The following NIPAL2 variants were observed in gnomAD, a reference collection of about 807,000 sequenced individuals.
NIPAL2 encodes NIPA-like protein 2.
A neutral mutation model predicts 48.9 loss-of-function variants in NIPAL2; 43 were observed. The observed-to-expected ratio is 0.88, with a 90% confidence interval of 0.69 to 1.13. The LOEUF (loss-of-function observed/expected upper bound fraction) is 1.13, where lower values mean the gene tolerates loss of function less well. Among genes scored for constraint, NIPAL2 ranks in the 50% most tolerant of loss-of-function variants. The pLI is 0.00. For synonymous variants in NIPAL2, 167 were observed against 174.6 expected (o/e 0.96, Z 0.34); for missense variants, 446 against 461.4 (o/e 0.97, Z 0.31).
chr8:98,239,837 A>G (rs939917488), intron 3 of NIPAL2, among the ~76,000 whole-genome samples: 1 of 152,242 alleles, frequency 6.6e-6, no homozygotes, highest in African/African-American at 2.4e-5. Flanking sequence ...TTGAGCAAAA[A>G]GGCAGTATTG....
chr8:98,209,985 T>TTA, intron 6 of NIPAL2, among the ~76,000 whole-genome samples: 1 of 152,202 alleles, frequency 6.6e-6, no homozygotes, highest in African/African-American at 2.4e-5. Flanking sequence ...TCATTCAAAT[T>TTA]TATATATATG....
At chr8:98,291,100 C>A (rs989503549) in intron 1 of NIPAL2, among the ~76,000 whole-genome samples, 1 of 152,020 alleles carries the variant, frequency 6.6e-6, no homozygotes, top group African/African-American at 2.4e-5. Flanking sequence ...TTCCTGCACT[C>A]CTGCTCAAAA....
At position 98,235,538 on chromosome 8, in the gene NIPAL2, G is replaced by A. The variant is rs139473945; in HGVS notation, c.436+617C>T. Among the ~76,000 whole-genome samples, 458 of 152,106 alleles carry A rather than the reference G, an allele frequency of 3.0e-3. 3 individuals carry two copies. The highest frequency in any genetic ancestry group is 9.8e-3 in the South Asian group (47 of 4,820). Reference sequence around the variant, plus strand: ...GTTTTCATTTTTATGCAATACTTTCGTGTAACAATATAACAAATATATCCT... The same window carrying A: ...GTTTTCATTTTTATGCAATACTTTCATGTAACAATATAACAAATATATCCT... On this transcript the variant is annotated intron_variant, in intron 4 of 10. Transcript: ENST00000430223.
At chr8:98,237,116 A>G (rs1003548177) in intron 3 of NIPAL2, among the ~76,000 whole-genome samples, 59 of 152,024 alleles carry the variant, frequency 3.9e-4, no homozygotes, top group African/African-American at 1.4e-3. Flanking sequence ...GCTGGAGTGC[A>G]GTGGCAAGAT....
rs181778283 is a variant in NIPAL2, at chr8:98,260,550, C to T, written c.136-6463G>A. On this transcript the variant is annotated intron_variant, in intron 1 of 10. Transcript: ENST00000430223. ...CCTGGAAAATCGGGTCACTCCAACC[C>T]GAATACTGCGCTTTTCCGACGGGCT... Among the ~76,000 whole-genome samples the T allele has an allele frequency of 1.4e-4, 21 of 152,298 alleles. No homozygotes were observed. The East Asian group carries it at 2.9e-3, about 21-fold the overall frequency.
intron 3 of NIPAL2, among the ~76,000 whole-genome samples, chr8:98,237,623 T>C (rs554882836): frequency 6.6e-6 from 1 of 152,342 alleles, no homozygotes; most frequent in South Asian, 2.1e-4. Context: ...ATGATTTTGC[T>C]TCTGATGCTT....
At chr8:98,213,801 CATT>C (rs1811437800) in intron 5 of NIPAL2, among the ~76,000 whole-genome samples, 1 of 152,144 alleles carries the variant, frequency 6.6e-6, no homozygotes. Context: ...CAGAGCCACT[CATT>C]ATCCTGTCAC....
intron 8 of NIPAL2, 26 bp downstream of exon 8, chr8:98,203,082 C>T: frequency 2.0e-6 from 3 of 1,514,404 alleles, no homozygotes; most frequent in Middle Eastern, 1.7e-4. Flanking sequence ...CTTGGAATCA[C>T]CAATGTATAG....
chr8:98,230,169 C>T (rs114442225), intron 4 of NIPAL2, among the ~76,000 whole-genome samples: 175 of 152,292 alleles, frequency 1.1e-3, no homozygotes, highest in African/African-American at 4.1e-3. Flanking sequence ...CAGCTCAGGG[C>T]TGTCACTTAC....
chr8:98,271,869 C>A (rs1195846839), intron 1 of NIPAL2, among the ~76,000 whole-genome samples: 3 of 151,206 alleles, frequency 2.0e-5, no homozygotes, highest in Admixed American at 1.3e-4. Context: ...TCCTTTGGTG[C>A]CTAGTTTGTT....
At chr8:98,272,915 T>C (rs1220870856) in intron 1 of NIPAL2, among the ~76,000 whole-genome samples, 2 of 152,172 alleles carry the variant, frequency 1.3e-5, no homozygotes, top group Non-Finnish European at 2.9e-5. Flanking sequence ...TAATGCTCAA[T>C]ATCATTGTGA....
In NIPAL2 at chr8:98,192,925, T is replaced by C; in HGVS notation, c.*53A>G. On this transcript the variant is annotated 3_prime_UTR_variant, in exon 11 of 11. Transcript: ENST00000430223. ...GCTGACACAAATTGAACATGTGCAA[T>C]TTTTTAAAAAGGTGGTATCGAATAA... 2 of 1,149,532 alleles carry C rather than the reference T, an allele frequency of 1.7e-6. No individual in the cohort carries two copies. Among genetic ancestry groups the C allele is most frequent in the South Asian group, 2.5e-5 (2 of 81,532 alleles). 71.2% of individuals were successfully genotyped at this position (1,149,532 alleles called of 1,614,324 possible). A position where few individuals can be genotyped will look rare whatever the true frequency, so the allele number is the denominator to read the frequency against.
At chr8:98,290,853 C>G (rs193044794) in intron 1 of NIPAL2, among the ~76,000 whole-genome samples, 563 of 152,142 alleles carry the variant, frequency 3.7e-3, no homozygotes, top group Non-Finnish European at 5.9e-3. Flanking sequence ...AGTGATCATG[C>G]GGGGGAAAAG....
chr8:98,277,630 T>A (rs1256373782), intron 1 of NIPAL2, among the ~76,000 whole-genome samples: 3 of 152,166 alleles, frequency 2.0e-5, no homozygotes, highest in African/African-American at 7.2e-5. Flanking sequence ...CCACAGTCCA[T>A]GGCAGCCATC....
intron 5 of NIPAL2, among the ~76,000 whole-genome samples, chr8:98,214,779 C>T (rs939575189): frequency 6.6e-6 from 1 of 152,158 alleles, no homozygotes; most frequent in African/African-American, 2.4e-5. Context: ...GAACTCATCC[C>T]TTTGTCTTTT....
chr8:98,235,986 G>A (rs1812689848), intron 4 of NIPAL2, among the ~76,000 whole-genome samples, 169 bp downstream of exon 4: 1 of 152,088 alleles, frequency 6.6e-6, no homozygotes, highest in Non-Finnish European at 1.5e-5. Flanking sequence ...AGTATTTTAT[G>A]CGAGAAGAGA....
intron 3 of NIPAL2, among the ~76,000 whole-genome samples, chr8:98,238,285 G>C (rs952633595): frequency 6.6e-6 from 1 of 152,110 alleles, no homozygotes; most frequent in African/African-American, 2.4e-5. Flanking sequence ...TAAAAGTACA[G>C]GAAAGAAAAG....
intron 3 of NIPAL2, among the ~76,000 whole-genome samples, chr8:98,239,805 A>G (rs1365964322): frequency 2.0e-5 from 3 of 152,226 alleles, no homozygotes; most frequent in Non-Finnish European, 4.4e-5. Flanking sequence ...TATCTTGCAA[A>G]TATGCTAAAA....
At chr8:98,193,289 G>T in intron 10 of NIPAL2, 199 bp from the exon 11 acceptor site, 1 of 1,375,378 alleles carries the variant, frequency 7.3e-7, no homozygotes, top group Non-Finnish European at 1.0e-6. Context: ...CGAATTGTCT[G>T]TGTCAGAGCC....
Sources: allele counts gnomAD v4.1 joint callset (sites outside exome capture counted in the v4.1 genomes callset), GRCh38; gene constraint gnomAD v4.1.1; transcripts MANE v1.5; gene names NCBI Gene and HGNC (gene_info 2026-07-23, HGNC 2026-07-21).